Variants in PHIP observed in about 807,000 individuals in gnomAD.
PHIP encodes PH-interacting protein.
Under a neutral mutation model 236.8 loss-of-function variants are expected in PHIP, and 54 were observed. The ratio of observed to expected loss-of-function variants is 0.23; its 90% CI spans 0.18 to 0.29. The LOEUF is 0.29. Among genes scored for constraint, PHIP ranks in the 10% least tolerant of loss-of-function variants. The pLI, the probability that PHIP is intolerant of heterozygous loss-of-function variation, is 1.00. For synonymous variants in PHIP, 756 were observed against 718.9 expected (o/e 1.05, Z -0.83); for missense variants, 1,370 against 2,190.8 (o/e 0.63, Z 7.48).
rs765718832 is a variant in PHIP, at chr6:78,946,242, C to T, written c.4389G>A (p.Arg1463=). 6.2e-7 allele frequency: 1 copy of T among 1,612,984 alleles called. No homozygotes were observed. Among genetic ancestry groups the T allele is most frequent in the Admixed American group, 1.7e-5 (1 of 59,898 alleles). Residue 1463 remains arginine (R), a synonymous_variant, in exon 38 of 40, where the codon AGG becomes AGA. Coordinates refer to ENST00000275034, the MANE Select transcript of PHIP (RefSeq NM_017934.7). The part of the protein sequence containing the change: ...SAASSPERKK[R]ILKPQLKSES... ...CTGATTTTAGCTGGGGTTTTAAGAT[C>T]CTTTTTTTCCTTTCAGGGCTGTAAA...
intron 7 of PHIP, among the ~76,000 whole-genome samples, chr6:79,030,957 G>C (rs1281428880): frequency 1.3e-5 from 2 of 150,952 alleles, no homozygotes; most frequent in African/African-American, 4.9e-5. Flanking sequence ...TTGTTTGTTT[G>C]TTTTGAGACG....
intron 24 of PHIP, among the ~76,000 whole-genome samples, chr6:78,975,977 C>T (rs1013138648): frequency 3.3e-5 from 5 of 151,610 alleles, no homozygotes; most frequent in African/African-American, 9.7e-5. Flanking sequence ...TCAATGCCAT[C>T]CCCATCAAGC....
intron 37 of PHIP, 194 bp from the exon 38 acceptor site, chr6:78,946,454 A>G (rs1182230493): frequency 3.2e-5 from 45 of 1,402,912 alleles, no homozygotes; most frequent in Non-Finnish European, 1.9e-5. Context: ...TGCTAAAGTT[A>G]TATGACGGAA....
At chr6:78,992,698 C>A (rs1048783266) in intron 19 of PHIP, among the ~76,000 whole-genome samples, 1 of 152,054 alleles carries the variant, frequency 6.6e-6, no homozygotes, top group Admixed American at 6.6e-5. Flanking sequence ...TGAACCTCAC[C>A]TATATAGAAC....
chr6:78,999,290 T>A (rs1467892630), intron 17 of PHIP, among the ~76,000 whole-genome samples: 8 of 152,144 alleles, frequency 5.3e-5, no homozygotes, highest in Non-Finnish European at 1.0e-4. Context: ...ATTCCCACTA[T>A]AAAGATAAAC....
chr6:78,991,156 C>T lies in PHIP; in HGVS notation c.2202-171G>A, dbSNP rs114458355. 2.4e-3 allele frequency among the ~76,000 whole-genome samples: 368 copies of T among 152,136 alleles called. 1 individual carries two copies. Among genetic ancestry groups the T allele is most frequent in the African/African-American group, 8.4e-3 (347 of 41,458 alleles). On this transcript the variant is annotated intron_variant, in intron 19 of 39. Transcript: ENST00000275034. ...TCATAGGTTGTGGGCTCAGGACATCCGGCATTAAATGACTGAAATAATGGA... is the reference window on the plus strand; with the variant it reads ...TCATAGGTTGTGGGCTCAGGACATCTGGCATTAAATGACTGAAATAATGGA...
At position 78,937,249 on chromosome 6, in the gene PHIP, A is replaced by T. The variant is rs1773307446; in HGVS notation, c.*3444T>A. On this transcript the variant is annotated 3_prime_UTR_variant, in exon 40 of 40. Transcript: ENST00000275034. ...AAGTTGCTTCTAGCTGACATTTGAGAGAGATATACAGTAGGTATATATGTA... is the reference window on the plus strand; with the variant it reads ...AAGTTGCTTCTAGCTGACATTTGAGTGAGATATACAGTAGGTATATATGTA... 6.6e-6 allele frequency: 1 copy of T among 151,788 alleles called. No individual in the cohort carries two copies. Among genetic ancestry groups the T allele is most frequent in the South Asian group, 2.1e-4 (1 of 4,832 alleles). 9.4% of individuals were successfully genotyped at this position (151,788 alleles called of 1,614,324 possible).
rs150194455 is a variant in PHIP, at chr6:78,949,154, G to A, written c.4054-1379C>T. On this transcript the variant is annotated intron_variant, in intron 35 of 39. Transcript: ENST00000275034. The stretch of plus-strand genomic sequence containing the variant: ...TTATAGATGTACTTTATCAAGTTGT[G>A]GAAGTTTTCCTTTGTTCCCGGTTTT... Among the ~76,000 whole-genome samples the A allele has an allele frequency of 4.0e-3, 611 of 152,162 alleles. 3 individuals are homozygous for A. The highest frequency in any genetic ancestry group is 6.7e-3 in the Admixed American group (103 of 15,284).
At chr6:79,033,665 T>C (rs547969348) in intron 7 of PHIP, among the ~76,000 whole-genome samples, 3 of 152,316 alleles carry the variant, frequency 2.0e-5, no homozygotes, top group South Asian at 2.1e-4. Flanking sequence ...TGATCTCCTA[T>C]AGAGACCACT....
intron 1 of PHIP, 57 bp downstream of exon 1, chr6:79,077,972 G>A (rs1375142228): frequency 8.8e-6 from 14 of 1,593,992 alleles, no homozygotes; most frequent in Admixed American, 1.7e-5. Context: ...GGCGGGGGGC[G>A]GGGGACCGCG....
intron 15 of PHIP, among the ~76,000 whole-genome samples, chr6:79,007,862 TA>T (rs1001010859): frequency 6.6e-6 from 1 of 151,830 alleles, no homozygotes; most frequent in African/African-American, 2.4e-5. Flanking sequence ...CCTTATGTAT[TA>T]AAAAAACTTT....
At chr6:79,043,311 C>G (rs1424096603) in intron 6 of PHIP, among the ~76,000 whole-genome samples, 1 of 151,998 alleles carries the variant, frequency 6.6e-6, no homozygotes, top group African/African-American at 2.4e-5. Flanking sequence ...CTGGCTAGTG[C>G]TCTTTAAAAA....
chr6:79,077,512 G>T lies in PHIP; in HGVS notation c.130-5C>A. The T allele has an allele frequency of 6.5e-7, 1 of 1,543,730 alleles. No homozygotes were observed. Among genetic ancestry groups the T allele is most frequent in the Middle Eastern group, 1.8e-4 (1 of 5,704 alleles). On this transcript the variant is annotated splice_polypyrimidine_tract_variant and splice_region_variant and intron_variant, in intron 3 of 39. Transcript: ENST00000275034. ...GTCGGTGCGCCGGGGCAGCAGCTGCGGGGAGAGGACACCCCGTGAGCCCGG... is the reference window on the plus strand; with the variant it reads ...GTCGGTGCGCCGGGGCAGCAGCTGCTGGGAGAGGACACCCCGTGAGCCCGG...
At position 78,935,075 on chromosome 6, in the gene PHIP, A is replaced by C. The variant is rs1773219633; in HGVS notation, c.*5618T>G. The stretch of plus-strand genomic sequence containing the variant: ...AATACTGGGGAATCCTGGGTCATAA[A>C]ATTGGTATTATTACAAAAGAGAAAT... On this transcript the variant is annotated 3_prime_UTR_variant, in exon 40 of 40. Coordinates refer to ENST00000275034, the MANE Select transcript of PHIP (RefSeq NM_017934.7). Among the ~76,000 whole-genome samples the C allele has an allele frequency of 6.6e-6, 1 of 152,122 alleles. No individual in the cohort carries two copies. The highest frequency in any genetic ancestry group is 2.1e-4 in the South Asian group (1 of 4,826).
Position 78,941,213 on chromosome 6 carries a change from G to A in PHIP, c.4946C>T (p.Thr1649Ile). The change falls in exon 40 of 40, where the codon ACC (threonine) becomes ATC (isoleucine). Residue 1649 changes from threonine (T) to isoleucine (I), a missense_variant. By Grantham distance (89) the Thr-to-Ile change is moderately conservative (BLOSUM62 -1). This residue lies in a region of PHIP where 309 missense variants were observed against 328.3 expected (regional missense o/e 0.94). Coordinates refer to ENST00000275034, the MANE Select transcript of PHIP (RefSeq NM_017934.7). ...PGRKPKVEVN[T>I]NSGEIIHKKR... ...CTTGTGTATAATTTCACCACTATTG[G>A]TATTAACTTCTACTTTAGGTTTCCT... 1 of 1,613,812 alleles carries A rather than the reference G, an allele frequency of 6.2e-7. No individual in the cohort carries two copies. The highest frequency in any genetic ancestry group is 8.5e-7 in the Non-Finnish European group (1 of 1,179,828).
chr6:79,067,926 T>C (rs1281201168), intron 4 of PHIP: 2 of 152,986 alleles, frequency 1.3e-5, no homozygotes, highest in African/African-American at 4.8e-5. Flanking sequence ...ACTGAGCTCT[T>C]TGAGAGGTTT....
intron 15 of PHIP, among the ~76,000 whole-genome samples, chr6:79,010,699 C>T (rs1770531442): frequency 6.6e-6 from 1 of 151,574 alleles, no homozygotes; most frequent in African/African-American, 2.4e-5. Flanking sequence ...AGAAATAAAG[C>T]AAAACCGCCA....
intron 29 of PHIP, among the ~76,000 whole-genome samples, chr6:78,965,454 TAATAA>T (rs1421191857): frequency 6.6e-5 from 10 of 152,058 alleles, no homozygotes; most frequent in Non-Finnish European, 1.2e-4. Flanking sequence ...GAATAGTAAT[TAATAA>T]AACAATTTCA....
intron 4 of PHIP, among the ~76,000 whole-genome samples, chr6:79,064,227 T>C (rs1480452524): frequency 6.6e-6 from 1 of 152,136 alleles, no homozygotes; most frequent in Non-Finnish European, 1.5e-5. Context: ...CACATTCTAG[T>C]ATGTACACTA....
Sources: allele counts gnomAD v4.1 joint callset (sites outside exome capture counted in the v4.1 genomes callset), GRCh38; gene constraint gnomAD v4.1.1; regional missense constraint gnomAD v4.1.1; transcripts MANE v1.5; gene names NCBI Gene and HGNC (gene_info 2026-07-23, HGNC 2026-07-21).